JMJD6: variants seen among roughly 807,000 people sequenced by gnomAD.
JMJD6 encodes bifunctional arginine demethylase and lysyl-hydroxylase JMJD6.
A neutral mutation model predicts 45.8 loss-of-function variants in JMJD6; 17 were observed. The observed-to-expected ratio is 0.37, with a 90% CI of 0.25 to 0.56. The LOEUF is 0.56. Ranked by LOEUF, JMJD6 falls within the 20% of genes least tolerant of loss-of-function variation. JMJD6 has a pLI of 0.79. For missense variants in JMJD6, 470 were observed against 517.5 expected, an observed-to-expected ratio of 0.91 and a Z score of 0.89; for synonymous variants, 221 against 196.3, an observed-to-expected ratio of 1.13 and a Z score of -1.05.
chr17:76,717,463 T>C (rs1192170466), downstream of JMJD6, among the ~76,000 whole-genome samples: 2 of 152,244 alleles, frequency 1.3e-5, no homozygotes, highest in Non-Finnish European at 2.9e-5. Flanking sequence ...AATTCCATTA[T>C]GAGCCTGTTA....
chr17:76,722,333 A>T (rs758619518), intron 3 of JMJD6, among the ~76,000 whole-genome samples: 5 of 152,244 alleles, frequency 3.3e-5, no homozygotes, highest in Non-Finnish European at 7.3e-5. Flanking sequence ...TACTTTAAAT[A>T]CACTTACCTT....
chr17:76,721,534 C>T lies in JMJD6; in HGVS notation c.941+264G>A, dbSNP rs80089668. On this transcript the variant is annotated intron_variant, in intron 4 of 5. Coordinates refer to ENST00000397625, the MANE Select transcript of JMJD6 (RefSeq NM_015167.3). ...TTGAAAAACAAAACACAAAACAAAA[C>T]GAGAAACAATCCCAATTATGACGTC... 410 of 471,418 alleles carry T rather than the reference C, an allele frequency of 8.7e-4. 3 individuals carry two copies. In the East Asian group the frequency reaches 1.0e-2, roughly 11 times the overall value. 29.2% of individuals were successfully genotyped at this position (471,418 alleles called of 1,614,324 possible).
Position 76,721,872 on chromosome 17 carries a change from G to C in JMJD6, c.867C>G (p.Ala289=). The change falls in exon 4 of 6, where the codon GCC becomes GCG. Residue 289 remains alanine (A), a synonymous_variant. Coordinates refer to ENST00000397625, the MANE Select transcript of JMJD6 (RefSeq NM_015167.3). ...DTTIAITQNF[A]SSTNFPVVWH... is the part of the protein sequence containing the mutation. ...ATACCACAGGGAAGTTGGTGCTGCTGGCAAAATTTTGGGTGATGGCGATAG... is the reference window on the plus strand; with the variant it reads ...ATACCACAGGGAAGTTGGTGCTGCTCGCAAAATTTTGGGTGATGGCGATAG... The C allele has an allele frequency of 6.2e-7, 1 of 1,614,186 alleles. No individual in the cohort carries two copies. The highest frequency in any genetic ancestry group is 1.3e-5 in the African/African-American group (1 of 75,038).
downstream of JMJD6, chr17:76,718,403 A>G: frequency 8.1e-7 from 1 of 1,233,164 alleles, no homozygotes; most frequent in Non-Finnish European, 1.0e-6. Context: ...TGAGGAGAAG[A>G]GCAATAAGGG....
At position 76,725,757 on chromosome 17, in the gene JMJD6, T is replaced by C; in HGVS notation, c.228A>G (p.Gln76=). The C allele has an allele frequency of 6.2e-7, 1 of 1,614,142 alleles. No homozygotes were observed. The highest frequency in any genetic ancestry group is 8.5e-7 in the Non-Finnish European group (1 of 1,180,016). The change falls in exon 2 of 6, where the codon CAA becomes CAG. Residue 76 remains glutamine (Q), a synonymous_variant. Coordinates refer to ENST00000397625, the MANE Select transcript of JMJD6 (RefSeq NM_015167.3). Reference sequence around the variant, plus strand: ...ATTTCTCCTGCGCAGACCAGCCCTCTTGCGCATTCAACAAAACCACGGGCT... The same window carrying C: ...ATTTCTCCTGCGCAGACCAGCCCTCCTGCGCATTCAACAAAACCACGGGCT... ...PYKPVVLLNA[Q]EGWSAQEKWT...
chr17:76,719,782 T>C (rs1030826417), intron 5 of JMJD6, among the ~76,000 whole-genome samples: 2 of 151,786 alleles, frequency 1.3e-5, no homozygotes, highest in Non-Finnish European at 2.9e-5. Flanking sequence ...TCTTGAGCCA[T>C]TTACTTCACT....
intron 3 of JMJD6, among the ~76,000 whole-genome samples, chr17:76,722,675 G>C (rs1020153302): frequency 6.6e-6 from 1 of 151,680 alleles, no homozygotes; most frequent in African/African-American, 2.4e-5. Flanking sequence ...ATGAAACCCC[G>C]TCTCTACTAA....
intron 2 of JMJD6, 149 bp from the exon 3 acceptor site, chr17:76,724,207 G>T: frequency 1.2e-6 from 1 of 806,034 alleles, no homozygotes; most frequent in Middle Eastern, 3.7e-4. Flanking sequence ...AGTAACCTCT[G>T]CTTCCCCAGG....
At chr17:76,715,861 T>C (rs112557736), downstream of JMJD6, 4 of 152,362 alleles carry the variant, frequency 2.6e-5, no homozygotes, top group African/African-American at 9.6e-5. Flanking sequence ...TCTCTGAATT[T>C]ACTCCCCGTG....
chr17:76,723,597 C>T (rs537723537), intron 3 of JMJD6, among the ~76,000 whole-genome samples, 175 bp downstream of exon 3: 4 of 152,174 alleles, frequency 2.6e-5, no homozygotes, highest in East Asian at 3.9e-4. Context: ...CCCACCACCA[C>T]GCCCGGCTAA....
chr17:76,722,441 G>A (rs927356079), intron 3 of JMJD6, among the ~76,000 whole-genome samples: 2 of 152,162 alleles, frequency 1.3e-5, no homozygotes, highest in African/African-American at 2.4e-5. Flanking sequence ...TTTAGGCTGC[G>A]CTTGGTGGTT....
downstream of JMJD6, among the ~76,000 whole-genome samples, chr17:76,717,492 A>C (rs765537636): frequency 2.0e-5 from 3 of 152,214 alleles, no homozygotes; most frequent in African/African-American, 7.2e-5. Context: ...GGTGCTTGCA[A>C]ACACGTTTAA....
At chr17:76,716,630 G>A (rs961145745), downstream of JMJD6, 35 of 1,531,734 alleles carry the variant, frequency 2.3e-5, no homozygotes, top group Non-Finnish European at 2.8e-5. Context: ...GAACTGAGTT[G>A]GGTGGCTGCC....
chr17:76,713,554 A>AGTACACAC (rs972859209), downstream of JMJD6: 9 of 152,248 alleles, frequency 5.9e-5, no homozygotes, highest in African/African-American at 2.2e-4. Context: ...CAGCAATACC[A>AGTACACAC]GTACACACAT....
downstream of JMJD6, chr17:76,718,359 C>T: frequency 6.5e-6 from 6 of 927,180 alleles, no homozygotes; most frequent in Non-Finnish European, 8.4e-6. Flanking sequence ...CAAGGATGCA[C>T]AGCAGGAGTC....
At chr17:76,715,068 A>C (rs2076754706), downstream of JMJD6, 1 of 152,200 alleles carries the variant, frequency 6.6e-6, no homozygotes, top group Admixed American at 6.5e-5. Flanking sequence ...TTTTAAACTG[A>C]AGTTTAGAGG....
At position 76,720,334 on chromosome 17, in the gene JMJD6, G is replaced by A. The variant is rs553842276; in HGVS notation, c.1080+26C>T. On this transcript the variant is annotated intron_variant, in intron 5 of 5. Coordinates refer to ENST00000397625, the MANE Select transcript of JMJD6 (RefSeq NM_015167.3). Reference sequence around the variant, plus strand: ...GTTACATGAGCCTTGGAGGCTCCAGGAGTCAGCCAGAGAGCAAGGCCTCAC... The same window carrying A: ...GTTACATGAGCCTTGGAGGCTCCAGAAGTCAGCCAGAGAGCAAGGCCTCAC... 14 of 1,610,820 alleles carry A rather than the reference G, an allele frequency of 8.7e-6. No homozygotes were observed. The East Asian group carries it at 1.8e-4, about 21-fold the overall frequency.
At position 76,726,451 on chromosome 17, in the gene JMJD6, T is replaced by A; in HGVS notation, c.25A>T (p.Ile9Phe). 1 of 1,604,012 alleles carries A rather than the reference T, an allele frequency of 6.2e-7. No homozygotes were observed. Among genetic ancestry groups the A allele is most frequent in the Non-Finnish European group, 8.5e-7 (1 of 1,176,232 alleles). MNHKSKKR[I>F]REAKRSARPE... is the part of the protein sequence containing the mutation. Reference sequence around the variant, plus strand: ...CGCGCACTCCGCTTGGCCTCGCGGATGCGCTTCTTGCTCTTGTGGTTCATT... The same window carrying A: ...CGCGCACTCCGCTTGGCCTCGCGGAAGCGCTTCTTGCTCTTGTGGTTCATT... Residue 9 changes from isoleucine (I) to phenylalanine (F), a missense_variant, in exon 1 of 6, where the codon ATC becomes TTC. This residue lies in a region of JMJD6 where 346 missense variants were observed against 339.5 expected (regional missense o/e 1.02). Transcript: ENST00000397625.
intron 4 of JMJD6, among the ~76,000 whole-genome samples, chr17:76,720,842 A>G (rs2076814925): frequency 6.6e-6 from 1 of 152,194 alleles, no homozygotes; most frequent in Non-Finnish European, 1.5e-5. Context: ...TCCTAGTTTT[A>G]CTTCCTGAAC....
Sources: gnomAD v4.1 joint callset for allele counts (sites outside exome capture counted in the v4.1 genomes callset) on GRCh38, gnomAD v4.1.1 for gene constraint, gnomAD v4.1.1 regional missense constraint, MANE v1.5 for transcripts, NCBI Gene and HGNC (gene_info 2026-07-23, HGNC 2026-07-21) for gene names.